CCNG1: variants seen among roughly 807,000 people sequenced by gnomAD.
CCNG1 encodes the protein cyclin G1.
CCNG1 carries 13 observed loss-of-function variants against 30.0 expected under a neutral mutation model. The ratio of observed to expected loss-of-function variants is 0.43; its 90% CI spans 0.28 to 0.69. The LOEUF (loss-of-function observed/expected upper bound fraction) is 0.69. Among genes scored for constraint, CCNG1 ranks in the 30% least tolerant of loss-of-function variants. The probability of loss-of-function intolerance (pLI) is 0.16; values close to 1 mark genes in which losing one functional copy is unlikely to be tolerated. For missense variants in CCNG1, 285 were observed against 331.4 expected, an observed-to-expected ratio of 0.86 and a Z score of 1.09; for synonymous variants, 110 against 121.5, an observed-to-expected ratio of 0.91 and a Z score of 0.62.
chr5:163,454,127 A>C, the CCNG1 span: 12 of 670,834 alleles, frequency 1.8e-5, no homozygotes, highest in East Asian at 2.7e-4. Context: ...AATTGATAAA[A>C]AAGGATATAT....
chr5:163,454,026 C>T, the CCNG1 span: 2 of 1,554,536 alleles, frequency 1.3e-6, no homozygotes, highest in South Asian at 2.5e-5. Context: ...GAGATTTCTG[C>T]TCCACTGAAG....
intron 3 of CCNG1, chr5:163,441,676 A>T (rs113317722): frequency 1.9e-6 from 1 of 536,084 alleles, no homozygotes; most frequent in Non-Finnish European, 3.3e-6. Flanking sequence ...TATTCATTTT[A>T]ATTTTTTGGC....
At chr5:163,439,729 C>A in intron 2 of CCNG1, 2 of 456,890 alleles carry the variant, frequency 4.4e-6, no homozygotes, top group Non-Finnish European at 7.7e-6. Flanking sequence ...GAAAAATAGT[C>A]TAATATCAAG....
In CCNG1 at chr5:163,441,888, G is replaced by A. The variant is rs1803357; in HGVS notation, c.521G>A (p.Arg174Lys). ...GTAATACCATTTTCTTTTTAAAGGA[G>A]AAATAGCATTAATTTTGAAAGACTA... ...LLQENLPLER[R>K]NSINFERLEA... The change falls in exon 4 of 7, where the codon AGA becomes AAA. Residue 174 changes from arginine to lysine, a missense_variant and splice_region_variant. Transcript: ENST00000340828. 6.3e-7 allele frequency: 1 copy of A among 1,580,918 alleles called. No homozygotes were observed.
chr5:163,444,886 C>G lies in CCNG1; in HGVS notation c.*1216C>G, dbSNP rs1757994895. On this transcript the variant is annotated 3_prime_UTR_variant, in exon 7 of 7. Coordinates refer to ENST00000340828, the MANE Select transcript of CCNG1 (RefSeq NM_004060.4). ...TTTATGGGTAACTTTTTAGTTTTCC[C>G]AAAAGGCTGATAAATTTCAATATTT... 1.3e-5 allele frequency: 2 copies of G among 152,490 alleles called. No individual in the cohort carries two copies. Among genetic ancestry groups the G allele is most frequent in the South Asian group, 4.2e-4 (2 of 4,814 alleles). The allele number at this position is 152,490 out of a possible 1,614,324, so 9.4% of individuals were successfully genotyped here. A position where few individuals can be genotyped will look rare whatever the true frequency, so the allele number is the denominator to read the frequency against.
In CCNG1 at chr5:163,443,680, T is replaced by A; in HGVS notation, c.*10T>A. On this transcript the variant is annotated 3_prime_UTR_variant, in exon 7 of 7. Coordinates refer to ENST00000340828, the MANE Select transcript of CCNG1 (RefSeq NM_004060.4). ...GTTTTCTTTATTTAAATAGGATTAT[T>A]ACAGCACCAAAAAACTTCTCTGAAG... is the stretch of plus-strand genomic sequence containing the variant. The A allele has an allele frequency of 6.6e-7, 1 of 1,517,330 alleles. No homozygotes were observed. The highest frequency in any genetic ancestry group is 8.8e-7 in the Non-Finnish European group (1 of 1,130,336). The allele number at this position is 1,517,330 out of a possible 1,614,324, so 94.0% of individuals were successfully genotyped here.
Position 163,443,736 on chromosome 5 carries a change from CATA to C in CCNG1, c.*69_*71del. 6.6e-7 allele frequency: 1 copy of C among 1,522,108 alleles called. No individual in the cohort carries two copies. Among genetic ancestry groups the C allele is most frequent in the Non-Finnish European group, 8.8e-7 (1 of 1,135,958 alleles). The allele number at this position is 1,522,108 out of a possible 1,614,324, so 94.3% of individuals were successfully genotyped here. A position where few individuals can be genotyped will look rare whatever the true frequency, so the allele number is the denominator to read the frequency against. ...CTCCACAACCTTGTTCTATGGATTC[CATA>C]ATGTTACAATGGATTTAAGCTATGA... On this transcript the variant is annotated 3_prime_UTR_variant, in exon 7 of 7. Transcript: ENST00000340828.
chr5:163,457,188 G>A, the CCNG1 span: 1 of 1,192,108 alleles, frequency 8.4e-7, no homozygotes, highest in Non-Finnish European at 1.1e-6. Flanking sequence ...CTGGAGTGCA[G>A]CGGCTTGATC....
intron 2 of CCNG1, among the ~76,000 whole-genome samples, chr5:163,440,314 GAAT>G (rs764411927): frequency 2.0e-5 from 3 of 152,158 alleles, no homozygotes; most frequent in Non-Finnish European, 2.9e-5. Flanking sequence ...TTGCACAAAT[GAAT>G]AATATACAGC....
At chr5:163,439,127 A>C in intron 1 of CCNG1, 130 bp from the exon 2 acceptor site, 1 of 754,772 alleles carries the variant, frequency 1.3e-6, no homozygotes, top group Non-Finnish European at 2.2e-6. Flanking sequence ...CTTTGCAATG[A>C]CTTAGATGCA....
At chr5:163,455,717 T>C in the CCNG1 span, among the ~76,000 whole-genome samples, 3 of 141,564 alleles carry the variant, frequency 2.1e-5, no homozygotes, top group African/African-American at 8.1e-5. Context: ...TCAGCAGAGA[T>C]CGCACCACTC....
At chr5:163,453,533 T>C in the CCNG1 span, 2 of 152,786 alleles carry the variant, frequency 1.3e-5, no homozygotes, top group Admixed American at 6.5e-5. Context: ...TTCAGCACTA[T>C]AATTTTGTGT....
the CCNG1 span, chr5:163,457,411 C>T: frequency 2.3e-5 from 14 of 602,496 alleles, no homozygotes; most frequent in Non-Finnish European, 3.9e-5. Context: ...TTTCTCCCCC[C>T]ACTAGGTAAC....
At chr5:163,442,685 G>A (rs1358451901) in intron 6 of CCNG1, 117 bp downstream of exon 6, 7 of 771,896 alleles carry the variant, frequency 9.1e-6, no homozygotes, top group Non-Finnish European at 4.2e-6. Flanking sequence ...ATAGTAAAGG[G>A]GGAGATGACA....
chr5:163,457,449 T>G, the CCNG1 span: 11 of 720,184 alleles, frequency 1.5e-5, no homozygotes, highest in Non-Finnish European at 2.7e-5. Flanking sequence ...TTCAACACAT[T>G]TCTATTGCTT....
intron 2 of CCNG1, among the ~76,000 whole-genome samples, chr5:163,440,190 G>A (rs888841448): frequency 3.9e-5 from 6 of 152,042 alleles, no homozygotes; most frequent in African/African-American, 7.2e-5. Context: ...CTAACACAGT[G>A]CATCATAAAA....
At chr5:163,441,861 A>C (rs755631512) in intron 3 of CCNG1, 25 bp from the exon 4 acceptor site, 1 of 1,427,856 alleles carries the variant, frequency 7.0e-7, no homozygotes, top group Non-Finnish European at 9.8e-7. Flanking sequence ...TACCTAATAA[A>C]AGTAATACCA....
the CCNG1 span, chr5:163,457,142 T>G: frequency 2.2e-5 from 33 of 1,475,274 alleles, no homozygotes; most frequent in African/African-American, 3.6e-4. Context: ...TCAAGTTGTT[T>G]TTTTTTTTTT....
Position 163,443,771 on chromosome 5 carries a change from A to G in CCNG1, c.*101A>G. The G allele has an allele frequency of 7.5e-7, 1 of 1,327,360 alleles. No individual in the cohort carries two copies. Among genetic ancestry groups the G allele is most frequent in the Non-Finnish European group, 1.0e-6 (1 of 964,120 alleles). The allele number at this position is 1,327,360 out of a possible 1,614,324, so 82.2% of individuals were successfully genotyped here. A position where few individuals can be genotyped will look rare whatever the true frequency, so the allele number is the denominator to read the frequency against. ...CAATGGATTTAAGCTATGAAGCCTC[A>G]AAACATCACGAGATAAGCATGATGG... is the stretch of plus-strand genomic sequence containing the variant. On this transcript the variant is annotated 3_prime_UTR_variant, in exon 7 of 7. Transcript: ENST00000340828.
Sources: allele counts gnomAD v4.1 joint callset (sites outside exome capture counted in the v4.1 genomes callset), GRCh38; gene constraint gnomAD v4.1.1; transcripts MANE v1.5; gene names NCBI Gene and HGNC (gene_info 2026-07-23, HGNC 2026-07-21).